ANK2: variants seen among roughly 807,000 people sequenced by gnomAD.
The protein encoded by ANK2 is ankyrin-2.
In ANK2, 83 loss-of-function variants were observed where a neutral mutation model predicts 360.5. The observed-to-expected ratio is 0.23, with a 90% CI of 0.19 to 0.28. The LOEUF is 0.28. Among genes scored for constraint, ANK2 ranks in the 10% least tolerant of loss-of-function variants. ANK2 has a pLI of 1.00. For synonymous variants in ANK2, 1,740 were observed against 1,759.5 expected (o/e 0.99, Z 0.28); for missense variants, 4,201 against 4,795.7 (o/e 0.88, Z 3.66).
In ANK2 at chr4:113,354,854, A is replaced by C; in HGVS notation, c.6236A>C (p.Asp2079Ala). The change falls in exon 38 of 46, where the codon GAT becomes GCT. Residue 2079 changes from aspartate (D) to alanine (A), a missense_variant. This residue lies in a region of ANK2 where 2,642 missense variants were observed against 2,714.5 expected (regional missense o/e 0.97). Transcript: ENST00000357077. ...RVSSIGVKKE[D>A]AAGGKEKVLS... ...TCCTCCATAGGAGTTAAGAAAGAAG[A>C]TGCAGCTGGAGGAAAGGAGAAAGTT... is the stretch of plus-strand genomic sequence containing the variant. The C allele has an allele frequency of 6.2e-7, 1 of 1,614,156 alleles. No homozygotes were observed. The highest frequency in any genetic ancestry group is 1.7e-5 in the Admixed American group (1 of 60,020).
chr4:113,341,952 ATGT>A, intron 33 of ANK2, 36 bp downstream of exon 33: 1 of 1,453,182 alleles, frequency 6.9e-7, no homozygotes. Flanking sequence ...AATTTATGCC[ATGT>A]TGTTATACCT....
At chr4:113,154,137 T>A (rs1031369333) in intron 1 of ANK2, among the ~76,000 whole-genome samples, 3 of 152,202 alleles carry the variant, frequency 2.0e-5, no homozygotes, top group Non-Finnish European at 4.4e-5. Flanking sequence ...TGCCAGCAAA[T>A]GGGCCCTTCT....
rs1023601686 is a variant in ANK2, at chr4:113,234,430, C to T, written c.483+2171C>T. On this transcript the variant is annotated intron_variant, in intron 5 of 45. Coordinates refer to ENST00000357077, the MANE Select transcript of ANK2 (RefSeq NM_001148.6). Reference sequence around the variant, plus strand: ...TTAAATAATTAAAATTACTTTTTTCCGATTGAATATATAAGCTTAATTGAT... The same window carrying T: ...TTAAATAATTAAAATTACTTTTTTCTGATTGAATATATAAGCTTAATTGAT... 2.6e-5 allele frequency among the ~76,000 whole-genome samples: 4 copies of T among 151,732 alleles called. No homozygotes were observed. In the East Asian group the frequency reaches 5.8e-4, roughly 22 times the overall value.
At chr4:113,116,294 C>T (rs1171186044) in intron 1 of ANK2, among the ~76,000 whole-genome samples, 1 of 152,140 alleles carries the variant, frequency 6.6e-6, no homozygotes, top group Non-Finnish European at 1.5e-5. Context: ...TTGGGTGGTG[C>T]CTGCTTTCCT....
At chr4:112,916,405 C>T (rs1581114615) in intron 2 of ANK2, among the ~76,000 whole-genome samples, 1 of 152,288 alleles carries the variant, frequency 6.6e-6, no homozygotes, top group East Asian at 1.9e-4. Context: ...TCAAAATCAC[C>T]TTTAATGTGC....
At chr4:112,708,233 G>A in the ANK2 span, among the ~76,000 whole-genome samples, 1 of 152,036 alleles carries the variant, frequency 6.6e-6, no homozygotes, top group Non-Finnish European at 1.5e-5. Context: ...ACTGTTTCCT[G>A]GACATATTTT....
rs1209970750 is a variant in ANK2 at position 113,356,960 on chromosome 4, G to T, written c.8342G>T (p.Ser2781Ile). Residue 2781 changes from serine (S) to isoleucine (I), a missense_variant, in exon 38 of 46, where the codon AGT becomes ATT. Coordinates refer to ENST00000357077, the MANE Select transcript of ANK2 (RefSeq NM_001148.6). ...GATGGCCATGGATGTGAGGCCATGAGTCCTAGCAGCTCAGCTGCTCCTGTC... is the reference window on the plus strand; with the variant it reads ...GATGGCCATGGATGTGAGGCCATGATTCCTAGCAGCTCAGCTGCTCCTGTC... ...ICDGHGCEAM[S>I]PSSSAAPVSS... is the part of the protein sequence containing the mutation. 6.2e-7 allele frequency: 1 copy of T among 1,614,100 alleles called. No homozygotes were observed. The highest frequency in any genetic ancestry group is 8.5e-7 in the Non-Finnish European group (1 of 1,179,990).
intron 17 of ANK2, among the ~76,000 whole-genome samples, chr4:113,281,701 A>C (rs2062445635): frequency 6.6e-6 from 1 of 152,196 alleles, no homozygotes; most frequent in Admixed American, 6.5e-5. Context: ...AAGAAAAGGA[A>C]ATAAAACAAT....
chr4:112,859,252 C>T (rs927450986), intron 1 of ANK2, among the ~76,000 whole-genome samples: 15 of 152,204 alleles, frequency 9.9e-5, no homozygotes, highest in African/African-American at 1.4e-4. Flanking sequence ...CAGGTTTAAA[C>T]GGTCACTTGG....
the ANK2 span, among the ~76,000 whole-genome samples, chr4:112,720,503 A>G: frequency 6.6e-6 from 1 of 152,154 alleles, no homozygotes. Context: ...CACTCTCTGC[A>G]GTCTCTCCCA....
At chr4:113,072,439 T>G (rs1211168581) in intron 1 of ANK2, among the ~76,000 whole-genome samples, 4 of 152,198 alleles carry the variant, frequency 2.6e-5, no homozygotes, top group Non-Finnish European at 5.9e-5. Context: ...GGGGCAATGT[T>G]TTTTGAATGC....
chr4:112,873,540 CTTTT>C (rs556434015), intron 1 of ANK2, among the ~76,000 whole-genome samples: 1 of 139,892 alleles, frequency 7.1e-6, no homozygotes. Flanking sequence ...CTTTTTCTTT[CTTTT>C]TTTTTTTTTT....
chr4:112,846,718 A>G (rs1484257315), intron 1 of ANK2, among the ~76,000 whole-genome samples: 2 of 151,902 alleles, frequency 1.3e-5, no homozygotes, highest in East Asian at 1.9e-4. Flanking sequence ...AATCTCATTC[A>G]TCCTCATGTT....
In ANK2 at chr4:113,009,925, T is replaced by TACACAC. The variant is rs3028929; in HGVS notation, c.21+105428_21+105433dup. 5.4e-3 allele frequency among the ~76,000 whole-genome samples: 808 copies of TACACAC among 149,588 alleles called. 7 individuals are homozygous for TACACAC. The highest frequency in any genetic ancestry group is 6.9e-3 in the East Asian group (35 of 5,094). ...TTTCCTAAGGCCCCATTGTTGAGAG[T>TACACAC]ACACACACACACACACACACACTCA... On this transcript the variant is annotated intron_variant, in intron 2 of 30. Coordinates refer to the ANK2 transcript ENST00000503271.
At chr4:113,156,673 A>G (rs1175918771) in intron 1 of ANK2, among the ~76,000 whole-genome samples, 1 of 151,940 alleles carries the variant, frequency 6.6e-6, no homozygotes, top group Non-Finnish European at 1.5e-5. Flanking sequence ...TTAATGTAGA[A>G]AAATTCTTGA....
chr4:113,119,972 A>G (rs181271212), intron 1 of ANK2, among the ~76,000 whole-genome samples: 4 of 152,262 alleles, frequency 2.6e-5, no homozygotes, highest in Admixed American at 2.6e-4. Flanking sequence ...AACATGTTGC[A>G]TACTTGACTA....
chr4:112,848,977 A>G (rs1253273927), intron 1 of ANK2, among the ~76,000 whole-genome samples: 1 of 152,256 alleles, frequency 6.6e-6, no homozygotes, highest in African/African-American at 2.4e-5. Flanking sequence ...GCTGTGAAAC[A>G]ATCTGCAAAA....
intron 1 of ANK2, among the ~76,000 whole-genome samples, chr4:113,166,605 TG>T (rs2097763728): frequency 1.3e-5 from 2 of 152,022 alleles, no homozygotes; most frequent in East Asian, 3.9e-4. Flanking sequence ...TTTGTTTTTT[TG>T]GTTTTTTTCT....
chr4:113,128,646 C>T (rs1317642336), intron 1 of ANK2, among the ~76,000 whole-genome samples: 1 of 152,068 alleles, frequency 6.6e-6, no homozygotes, highest in Admixed American at 6.6e-5. Flanking sequence ...CCTGCCACTA[C>T]GCCCAGCTAA....
Sources: allele counts gnomAD v4.1 joint callset (sites outside exome capture counted in the v4.1 genomes callset), GRCh38; gene constraint gnomAD v4.1.1; regional missense constraint gnomAD v4.1.1; transcripts MANE v1.5; gene names NCBI Gene and HGNC (gene_info 2026-07-23, HGNC 2026-07-21).